Variants in SDK1 observed in about 807,000 individuals in gnomAD.
SDK1 encodes sidekick cell adhesion molecule 1, also known as protein sidekick-1.
In SDK1, 157 loss-of-function variants were observed where a neutral mutation model predicts 245.5. The ratio of observed to expected loss-of-function variants is 0.64; its 90% CI spans 0.56 to 0.73. The LOEUF (loss-of-function observed/expected upper bound fraction) is 0.73, where lower values mean the gene tolerates loss of function less well. Among genes scored for constraint, SDK1 ranks in the 30% least tolerant of loss-of-function variants. The pLI is 0.00. For missense variants in SDK1, 3,583 were observed against 3,002.3 expected, an observed-to-expected ratio of 1.19 and a Z score of -4.52; for synonymous variants, 1,647 against 1,278.5, an observed-to-expected ratio of 1.29 and a Z score of -6.15.
intron 35 of SDK1, among the ~76,000 whole-genome samples, chr7:4,198,736 T>TAGGA (rs1562421737): frequency 6.6e-6 from 1 of 152,086 alleles, no homozygotes; most frequent in Non-Finnish European, 1.5e-5. Context: ...AGATCCAAGT[T>TAGGA]CATATCGAGC....
intron 5 of SDK1, among the ~76,000 whole-genome samples, chr7:3,885,087 G>C (rs1781305487): frequency 6.6e-6 from 1 of 151,754 alleles, no homozygotes; most frequent in Non-Finnish European, 1.5e-5. Flanking sequence ...TAAGGGGTCA[G>C]GTGCACCTGA....
chr7:4,133,527 G>C (rs185265762), intron 28 of SDK1, among the ~76,000 whole-genome samples: 1 of 152,196 alleles, frequency 6.6e-6, no homozygotes, highest in Non-Finnish European at 1.5e-5. Flanking sequence ...GGTCTCTGTG[G>C]GTGGAAGTCT....
chr7:3,959,200 G>C (rs1781486950), intron 8 of SDK1, among the ~76,000 whole-genome samples, 186 bp downstream of exon 8: 1 of 152,122 alleles, frequency 6.6e-6, no homozygotes, highest in Admixed American at 6.5e-5. Context: ...CCAAGCTTTT[G>C]CTTCCTCCCC....
chr7:3,437,108 A>G (rs1780051371), intron 1 of SDK1, among the ~76,000 whole-genome samples: 1 of 152,194 alleles, frequency 6.6e-6, no homozygotes, highest in African/African-American at 2.4e-5. Flanking sequence ...GACGATTAAT[A>G]CATCCTTTAA....
intron 1 of SDK1, among the ~76,000 whole-genome samples, chr7:3,406,905 C>G (rs965811996): frequency 1.3e-5 from 2 of 151,828 alleles, no homozygotes; most frequent in Non-Finnish European, 2.9e-5. Flanking sequence ...TGTAAGCAGT[C>G]TACTTTTTTA....
At chr7:3,508,111 T>C (rs73293539) in intron 1 of SDK1, among the ~76,000 whole-genome samples, 1 of 152,104 alleles carries the variant, frequency 6.6e-6, no homozygotes, top group Non-Finnish European at 1.5e-5. Flanking sequence ...CAGGGTGTTG[T>C]CCATTGTCCT....
chr7:3,391,465 G>C (rs184162300), intron 1 of SDK1, among the ~76,000 whole-genome samples: 19 of 147,748 alleles, frequency 1.3e-4, no homozygotes, highest in Admixed American at 1.3e-3. Context: ...ACATTTGGAA[G>C]TGATTTTTTT....
intron 1 of SDK1, among the ~76,000 whole-genome samples, chr7:3,492,056 T>G (rs1781878734): frequency 6.6e-6 from 1 of 152,198 alleles, no homozygotes; most frequent in African/African-American, 2.4e-5. Context: ...ACTCAAGGTG[T>G]TAATTTCGTT....
intron 5 of SDK1, among the ~76,000 whole-genome samples, chr7:3,847,194 A>G (rs910266866): frequency 4.0e-5 from 6 of 151,524 alleles, no homozygotes; most frequent in African/African-American, 7.3e-5. Context: ...TACTCCTGGA[A>G]CTCACATGTG....
rs181995335 is a variant in SDK1 at position 4,093,163 on chromosome 7, T to A, written c.3324+13579T>A. Among the ~76,000 whole-genome samples, 11 of 152,254 alleles carry A rather than the reference T, an allele frequency of 7.2e-5. No individual in the cohort carries two copies. In the East Asian group the frequency reaches 2.1e-3, roughly 29 times the overall value. ...TAGGTATTTCTGGCTCAGTAATGCT[T>A]TGCTTAATTAGTAACCTTTGACTGT... On this transcript the variant is annotated intron_variant, in intron 22 of 44. Coordinates refer to ENST00000404826, the MANE Select transcript of SDK1 (RefSeq NM_152744.4).
intron 4 of SDK1, among the ~76,000 whole-genome samples, chr7:3,662,500 C>T (rs961427134): frequency 1.3e-5 from 2 of 152,110 alleles, no homozygotes; most frequent in African/African-American, 4.8e-5. Flanking sequence ...CCCCATTTAG[C>T]AAGGCAGAGA....
At chr7:3,470,437 T>G (rs1439961056) in intron 1 of SDK1, among the ~76,000 whole-genome samples, 2 of 152,146 alleles carry the variant, frequency 1.3e-5, no homozygotes, top group African/African-American at 4.8e-5. Flanking sequence ...ATCAAACAAT[T>G]TAATTTTTGA....
chr7:3,584,554 G>A (rs946317322), intron 1 of SDK1, among the ~76,000 whole-genome samples: 4 of 152,168 alleles, frequency 2.6e-5, no homozygotes, highest in Non-Finnish European at 4.4e-5. Context: ...AACCAGGAAG[G>A]ATCCTGGCCA....
intron 32 of SDK1, among the ~76,000 whole-genome samples, chr7:4,166,708 A>G (rs1169447833): frequency 6.6e-6 from 1 of 152,228 alleles, no homozygotes; most frequent in Non-Finnish European, 1.5e-5. Context: ...CCGGGGGACC[A>G]CGGTGGCCGG....
intron 4 of SDK1, among the ~76,000 whole-genome samples, chr7:3,669,783 A>G (rs1386417948): frequency 1.3e-5 from 2 of 152,234 alleles, no homozygotes; most frequent in Non-Finnish European, 2.9e-5. Context: ...AAACCTATGT[A>G]TTCAACAGCC....
intron 4 of SDK1, among the ~76,000 whole-genome samples, chr7:3,721,666 A>T (rs1023658643): frequency 6.6e-6 from 1 of 152,088 alleles, no homozygotes; most frequent in African/African-American, 2.4e-5. Context: ...GTAGGATGAG[A>T]TCAGAGAGTG....
At chr7:3,644,179 G>A (rs747244419) in intron 4 of SDK1, among the ~76,000 whole-genome samples, 3 of 150,484 alleles carry the variant, frequency 2.0e-5, no homozygotes, top group Admixed American at 6.6e-5. Flanking sequence ...TGGGATTACA[G>A]GCATGAGCCA....
At chr7:3,805,239 A>G (rs1779212270) in intron 4 of SDK1, among the ~76,000 whole-genome samples, 1 of 152,202 alleles carries the variant, frequency 6.6e-6, no homozygotes, top group African/African-American at 2.4e-5. Context: ...ACCCTTGCTG[A>G]ACTTATTTAT....
intron 14 of SDK1, among the ~76,000 whole-genome samples, chr7:4,002,926 G>T (rs1246648664): frequency 6.6e-6 from 1 of 152,242 alleles, no homozygotes; most frequent in African/African-American, 2.4e-5. Context: ...TCTGGGGTTG[G>T]CATGAGCTTC....
Sources: gnomAD v4.1 joint callset for allele counts (sites outside exome capture counted in the v4.1 genomes callset) on GRCh38, gnomAD v4.1.1 for gene constraint, MANE v1.5 for transcripts, NCBI Gene and HGNC (gene_info 2026-07-23, HGNC 2026-07-21) for gene names.